The following PTPRM variants were observed in gnomAD, a reference collection of about 807,000 sequenced individuals.
PTPRM encodes protein tyrosine phosphatase receptor type M, also known as receptor-type tyrosine-protein phosphatase mu.
Under a neutral mutation model 186.7 loss-of-function variants are expected in PTPRM, and 47 were observed. The ratio of observed to expected loss-of-function variants is 0.25; its 90% CI spans 0.20 to 0.32. PTPRM has a LOEUF of 0.32. PTPRM is among the 10% of genes least tolerant of loss of function. The pLI, the probability that PTPRM is intolerant of heterozygous loss-of-function variation, is 1.00. For missense variants in PTPRM, 1,494 were observed against 1,865.0 expected, an observed-to-expected ratio of 0.80 and a Z score of 3.66; for synonymous variants, 668 against 674.9, an observed-to-expected ratio of 0.99 and a Z score of 0.16.
At chr18:7,829,723 G>C (rs2045664285) in intron 2 of PTPRM, among the ~76,000 whole-genome samples, 1 of 152,094 alleles carries the variant, frequency 6.6e-6, no homozygotes, top group African/African-American at 2.4e-5. Flanking sequence ...CTTTCATGTG[G>C]TACTTCCAAA....
chr18:8,152,220 A>G (rs558833536), intron 14 of PTPRM, among the ~76,000 whole-genome samples: 14 of 152,362 alleles, frequency 9.2e-5, no homozygotes, highest in East Asian at 3.9e-4. Context: ...AATAATTTCC[A>G]TAGTCTGAAA....
intron 14 of PTPRM, among the ~76,000 whole-genome samples, chr18:8,242,885 C>T (rs2094444657): frequency 6.6e-6 from 1 of 152,164 alleles, no homozygotes; most frequent in African/African-American, 2.4e-5. Context: ...TGTCCTAGGT[C>T]AATCAGTGTC....
intron 1 of PTPRM, among the ~76,000 whole-genome samples, chr18:7,770,522 T>C (rs1379646262): frequency 1.3e-5 from 2 of 152,226 alleles, no homozygotes; most frequent in African/African-American, 2.4e-5. Flanking sequence ...TGACTCTTGT[T>C]ACACTGACTT....
chr18:7,984,835 A>G (rs2082776758), intron 7 of PTPRM, among the ~76,000 whole-genome samples: 1 of 136,364 alleles, frequency 7.3e-6, no homozygotes, highest in Non-Finnish European at 1.5e-5. Context: ...ATATATAAAT[A>G]TATACATATA....
intron 1 of PTPRM, among the ~76,000 whole-genome samples, chr18:7,604,882 A>T (rs1447125340): frequency 6.6e-6 from 1 of 152,208 alleles, no homozygotes; most frequent in African/African-American, 2.4e-5. Context: ...AAATAGTTCT[A>T]ATATGCTCAT....
chr18:8,054,315 ATATATATT>A, intron 7 of PTPRM, among the ~76,000 whole-genome samples: 1 of 141,046 alleles, frequency 7.1e-6, no homozygotes, highest in Admixed American at 6.9e-5. Context: ...ATATATATAT[ATATATATT>A]ACTACTACTA....
intron 23 of PTPRM, among the ~76,000 whole-genome samples, chr18:8,357,510 G>A (rs973988946): frequency 4.6e-5 from 7 of 152,140 alleles, no homozygotes; most frequent in East Asian, 1.9e-4. Context: ...GGGCCGCAGC[G>A]GGTTCCTGCC....
chr18:7,752,695 G>A (rs113861127), intron 1 of PTPRM, among the ~76,000 whole-genome samples: 45 of 152,046 alleles, frequency 3.0e-4, no homozygotes, highest in African/African-American at 9.4e-4. Flanking sequence ...CGCCTACCTC[G>A]GCCTCCTAAG....
chr18:8,254,116 C>G (rs976285704), intron 19 of PTPRM, among the ~76,000 whole-genome samples: 2 of 152,210 alleles, frequency 1.3e-5, no homozygotes, highest in African/African-American at 4.8e-5. Flanking sequence ...GGAGATCAGA[C>G]AGCAGTACAG....
intron 1 of PTPRM, among the ~76,000 whole-genome samples, chr18:7,672,056 A>C (rs2039228720): frequency 6.6e-6 from 1 of 152,208 alleles, no homozygotes; most frequent in Non-Finnish European, 1.5e-5. Context: ...CATCGATAGG[A>C]ATCATCATTT....
At chr18:8,218,744 C>T (rs946870661) in intron 14 of PTPRM, among the ~76,000 whole-genome samples, 7 of 152,286 alleles carry the variant, frequency 4.6e-5, no homozygotes, top group South Asian at 2.1e-4. Flanking sequence ...AAAACTTACA[C>T]GCATACAAAG....
At chr18:7,898,245 A>G (rs2049470443) in intron 3 of PTPRM, among the ~76,000 whole-genome samples, 1 of 152,230 alleles carries the variant, frequency 6.6e-6, no homozygotes, top group South Asian at 2.1e-4. Context: ...AATCAAAACC[A>G]GAAGGATAGA....
chr18:7,837,704 A>T (rs751511988), intron 2 of PTPRM, among the ~76,000 whole-genome samples: 2 of 152,172 alleles, frequency 1.3e-5, no homozygotes, highest in Non-Finnish European at 2.9e-5. Flanking sequence ...CAGCCTCCCA[A>T]AGTGCTAGGA....
At chr18:8,356,593 G>A (rs1006189336) in intron 23 of PTPRM, among the ~76,000 whole-genome samples, 37 of 152,318 alleles carry the variant, frequency 2.4e-4, no homozygotes, top group African/African-American at 6.3e-4. Flanking sequence ...GAAGCTGGAC[G>A]AAAAGGGAAG....
chr18:7,959,472 T>C (rs899176570), intron 7 of PTPRM, among the ~76,000 whole-genome samples: 1 of 152,230 alleles, frequency 6.6e-6, no homozygotes, highest in African/African-American at 2.4e-5. Context: ...TGTATTTAGC[T>C]TCTTGTATTA....
At chr18:8,357,956 G>A (rs933950160) in intron 23 of PTPRM, among the ~76,000 whole-genome samples, 3 of 152,146 alleles carry the variant, frequency 2.0e-5, no homozygotes, top group Non-Finnish European at 4.4e-5. Flanking sequence ...GGCTTATTCA[G>A]TATTTTAAAT....
intron 22 of PTPRM, among the ~76,000 whole-genome samples, chr18:8,324,266 C>G (rs1461335651): frequency 6.6e-6 from 1 of 152,084 alleles, no homozygotes; most frequent in African/African-American, 2.4e-5. Flanking sequence ...GTAAAATACC[C>G]TAGAGTATTG....
intron 1 of PTPRM, among the ~76,000 whole-genome samples, chr18:7,742,587 C>T (rs1194094224): frequency 1.3e-5 from 2 of 152,110 alleles, no homozygotes; most frequent in Non-Finnish European, 2.9e-5. Flanking sequence ...TCTTGTAATC[C>T]CAGCGCTTTG....
At chr18:8,220,991 A>T (rs528324686) in intron 14 of PTPRM, among the ~76,000 whole-genome samples, 1 of 152,324 alleles carries the variant, frequency 6.6e-6, no homozygotes, top group South Asian at 2.1e-4. Context: ...AATGAGAATA[A>T]TCAGATGAAA....
Sources: allele counts gnomAD v4.1 joint callset (sites outside exome capture counted in the v4.1 genomes callset), GRCh38; gene constraint gnomAD v4.1.1; transcripts MANE v1.5; gene names NCBI Gene and HGNC (gene_info 2026-07-23, HGNC 2026-07-21).